Variants in INSC observed in about 807,000 individuals in gnomAD.
INSC encodes the protein INSC spindle orientation adaptor protein, also known as protein inscuteable homolog.
In INSC, 67 loss-of-function variants were observed where a neutral mutation model predicts 58.6. That is an observed-to-expected ratio of 1.14 (90% CI 0.94 to 1.40). The LOEUF (loss-of-function observed/expected upper bound fraction) is 1.40, where lower values mean the gene tolerates loss of function less well. Among genes scored for constraint, INSC ranks in the 40% most tolerant of loss-of-function variants. The pLI, the probability that INSC is intolerant of heterozygous loss-of-function variation, is 0.00. For synonymous variants in INSC, 262 were observed against 276.1 expected, an observed-to-expected ratio of 0.95 and a Z score of 0.51; for missense variants, 714 against 692.0, an observed-to-expected ratio of 1.03 and a Z score of -0.36.
intron 2 of INSC, among the ~76,000 whole-genome samples, chr11:15,170,905 C>T (rs1849374881): frequency 6.6e-6 from 1 of 152,206 alleles, no homozygotes; most frequent in Admixed American, 6.5e-5. Context: ...ACACGCAGGG[C>T]TTGAAGAAAT....
chr11:15,256,814 A>G, the INSC span, among the ~76,000 whole-genome samples: 2,471 of 152,136 alleles, frequency 0.016, 73 homozygotes, highest in African/African-American at 0.057. Flanking sequence ...CTCTGTGACT[A>G]GCCATCAAAA....
intron 5 of INSC, among the ~76,000 whole-genome samples, chr11:15,186,556 G>A (rs1849976032): frequency 1.3e-5 from 2 of 152,274 alleles, no homozygotes; most frequent in Admixed American, 1.3e-4. Context: ...AGTTCTAAGA[G>A]ATCTTATCCA....
At chr11:15,121,051 A>G (rs1847860216) in intron 1 of INSC, among the ~76,000 whole-genome samples, 2 of 12,938 alleles carry the variant, frequency 1.5e-4, no homozygotes, top group Non-Finnish European at 0.015. Context: ...TTGTTTTATT[A>G]TATATATGAA....
chr11:15,234,118 T>C (rs1333891240), intron 9 of INSC, among the ~76,000 whole-genome samples: 1 of 152,230 alleles, frequency 6.6e-6, no homozygotes, highest in Non-Finnish European at 1.5e-5. Flanking sequence ...AGTCACCCCC[T>C]TCTTAAAACA....
At chr11:15,171,546 A>G (rs1849397458) in intron 2 of INSC, among the ~76,000 whole-genome samples, 1 of 152,042 alleles carries the variant, frequency 6.6e-6, no homozygotes, top group Non-Finnish European at 1.5e-5. Flanking sequence ...CACTGTCTTG[A>G]CAAGTCCAAA....
Position 15,225,698 on chromosome 11 carries a change from C to A in INSC, c.1040C>A (p.Ala347Glu), listed in dbSNP as rs762539775. 2 of 1,614,022 alleles carry A rather than the reference C, an allele frequency of 1.2e-6. No homozygotes were observed. Among genetic ancestry groups the A allele is most frequent in the Admixed American group, 3.3e-5 (2 of 59,992 alleles). The change falls in exon 9 of 13, where the codon GCG (alanine) becomes GAG (glutamate). Residue 347 changes from alanine to glutamate, a missense_variant. By Grantham distance (107) the Ala-to-Glu change is moderately radical. Transcript: ENST00000379556. Reference protein sequence around the residue: ...SSGEVFLLASAALANITFFDT... With the variant: ...SSGEVFLLASEALANITFFDT... ...GGGGAAGTCTTCCTACTGGCCTCTGCGGCCCTTGCCAACATCACGTTCTTT... is the reference window on the plus strand; with the variant it reads ...GGGGAAGTCTTCCTACTGGCCTCTGAGGCCCTTGCCAACATCACGTTCTTT...
At chr11:15,153,372 G>A (rs946587878) in intron 2 of INSC, among the ~76,000 whole-genome samples, 1 of 152,192 alleles carries the variant, frequency 6.6e-6, no homozygotes, top group African/African-American at 2.4e-5. Context: ...GCTAGCTGGG[G>A]AGATAACCAG....
At chr11:15,118,227 G>A (rs1847782708) in intron 1 of INSC, among the ~76,000 whole-genome samples, 1 of 152,224 alleles carries the variant, frequency 6.6e-6, no homozygotes, top group Non-Finnish European at 1.5e-5. Flanking sequence ...CTGGGTCTGT[G>A]AGGCTAAGTG....
chr11:15,202,437 A>G (rs1476513916), intron 7 of INSC, among the ~76,000 whole-genome samples: 6 of 152,214 alleles, frequency 3.9e-5, no homozygotes, highest in Admixed American at 2.0e-4. Flanking sequence ...GAGCACAGAC[A>G]TGCTATGCGT....
At chr11:15,229,993 ATATATAT>A (rs1379981788) in intron 9 of INSC, among the ~76,000 whole-genome samples, 1 of 28,456 alleles carries the variant, frequency 3.5e-5, no homozygotes, top group Non-Finnish European at 5.6e-5. Context: ...ATATATATAT[ATATATAT>A]ATATATATAT....
At chr11:15,188,178 G>A in intron 5 of INSC, 1 of 985,414 alleles carries the variant, frequency 1.0e-6, no homozygotes, top group Non-Finnish European at 1.2e-6. Flanking sequence ...AGGGGCATTT[G>A]CAAGGCCCCC....
intron 8 of INSC, among the ~76,000 whole-genome samples, chr11:15,223,595 G>T (rs1851525301): frequency 2.0e-5 from 3 of 152,224 alleles, no homozygotes; most frequent in Admixed American, 2.0e-4. Context: ...GTTAATAATT[G>T]CTGTGTCGGC....
chr11:15,177,398 A>C (rs1379590854), intron 4 of INSC, among the ~76,000 whole-genome samples: 2 of 152,196 alleles, frequency 1.3e-5, no homozygotes, highest in Non-Finnish European at 2.9e-5. Context: ...ATAGGAAGAA[A>C]GAGGATTTTC....
At chr11:15,148,737 G>A (rs1357596444) in intron 1 of INSC, among the ~76,000 whole-genome samples, 1 of 152,182 alleles carries the variant, frequency 6.6e-6, no homozygotes, top group Non-Finnish European at 1.5e-5. Context: ...AGAATTGCCA[G>A]TTTTAGCAAG....
chr11:15,116,005 A>C (rs538555035), intron 1 of INSC, among the ~76,000 whole-genome samples: 1 of 152,244 alleles, frequency 6.6e-6, no homozygotes, highest in East Asian at 1.9e-4. Flanking sequence ...ATTTTAAGTC[A>C]GGGACTTTGG....
At chr11:15,158,025 C>T (rs1848877438) in intron 2 of INSC, among the ~76,000 whole-genome samples, 1 of 152,152 alleles carries the variant, frequency 6.6e-6, no homozygotes, top group Non-Finnish European at 1.5e-5. Flanking sequence ...CGATTCTTTC[C>T]TTTTCTTCAC....
chr11:15,189,583 AG>A (rs1385096193), intron 5 of INSC, among the ~76,000 whole-genome samples: 1 of 152,202 alleles, frequency 6.6e-6, no homozygotes, highest in African/African-American at 2.4e-5. Flanking sequence ...AGAAAGGCTA[AG>A]GTGCTCCAAG....
At chr11:15,142,842 T>A (rs1263845440) in intron 1 of INSC, among the ~76,000 whole-genome samples, 1 of 152,152 alleles carries the variant, frequency 6.6e-6, no homozygotes, top group Non-Finnish European at 1.5e-5. Flanking sequence ...ATACTTTAAG[T>A]TCTAGCGTAC....
At chr11:15,181,728 T>C (rs1261145073) in intron 5 of INSC, among the ~76,000 whole-genome samples, 2 of 152,210 alleles carry the variant, frequency 1.3e-5, no homozygotes, top group East Asian at 3.8e-4. Context: ...GATAGGAGCA[T>C]ATCAAAATTT....
Sources: gnomAD v4.1 joint callset for allele counts (sites outside exome capture counted in the v4.1 genomes callset) on GRCh38, gnomAD v4.1.1 for gene constraint, MANE v1.5 for transcripts, NCBI Gene and HGNC (gene_info 2026-07-23, HGNC 2026-07-21) for gene names.